Variants in GABRB2 observed in about 807,000 individuals in gnomAD.
GABRB2 encodes the protein gamma-aminobutyric acid type A receptor subunit beta2.
GABRB2 carries 16 observed loss-of-function variants against 54.7 expected under a neutral mutation model. The ratio of observed to expected loss-of-function variants is 0.29; its 90% CI spans 0.20 to 0.44. GABRB2 has a LOEUF of 0.44. Ranked by LOEUF, GABRB2 falls within the 20% of genes least tolerant of loss-of-function variation. The probability of loss-of-function intolerance (pLI) is 1.00; values close to 1 mark genes in which losing one functional copy is unlikely to be tolerated. For synonymous variants in GABRB2, 244 were observed against 233.8 expected (o/e 1.04, Z -0.40); for missense variants, 355 against 644.0 (o/e 0.55, Z 4.86).
intron 4 of GABRB2, among the ~76,000 whole-genome samples, chr5:161,443,015 C>G (rs187817696): frequency 1.3e-4 from 20 of 152,234 alleles, no homozygotes; most frequent in Admixed American, 1.3e-3. Flanking sequence ...TAAATGCTAT[C>G]TACAGAGGTA....
intron 5 of GABRB2, among the ~76,000 whole-genome samples, chr5:161,355,817 AG>A (rs1487895749): frequency 6.6e-6 from 1 of 152,000 alleles, no homozygotes; most frequent in Non-Finnish European, 1.5e-5. Flanking sequence ...CAATATGTAT[AG>A]GAGTGTTTGA....
At chr5:161,513,397 C>A (rs537004446) in intron 3 of GABRB2, among the ~76,000 whole-genome samples, 1 of 151,764 alleles carries the variant, frequency 6.6e-6, no homozygotes. Context: ...CCATCAACAG[C>A]GGATTCATAA....
intron 9 of GABRB2, among the ~76,000 whole-genome samples, chr5:161,299,487 C>T (rs1757474127): frequency 2.0e-5 from 3 of 152,088 alleles, no homozygotes; most frequent in African/African-American, 7.2e-5. Context: ...AGAGGAGATG[C>T]TAATTTGGAA....
At chr5:161,534,825 A>G (rs1445508225) in intron 3 of GABRB2, among the ~76,000 whole-genome samples, 1 of 152,186 alleles carries the variant, frequency 6.6e-6, no homozygotes, top group Non-Finnish European at 1.5e-5. Context: ...AAAATACTCA[A>G]CCACCTTTAA....
chr5:161,343,372 T>C (rs1292202179), intron 5 of GABRB2, among the ~76,000 whole-genome samples: 2 of 151,844 alleles, frequency 1.3e-5, no homozygotes, highest in Non-Finnish European at 2.9e-5. Context: ...ATGACCTATT[T>C]TTTTTTGTGC....
intron 3 of GABRB2, among the ~76,000 whole-genome samples, chr5:161,513,792 A>G (rs1759852759): frequency 6.6e-6 from 1 of 152,086 alleles, no homozygotes; most frequent in Non-Finnish European, 1.5e-5. Context: ...ATAAAAGTTG[A>G]AATTATTTTA....
chr5:161,343,851 A>C (rs1223581629), intron 5 of GABRB2, among the ~76,000 whole-genome samples: 1 of 152,104 alleles, frequency 6.6e-6, no homozygotes, highest in Non-Finnish European at 1.5e-5. Flanking sequence ...GTCCTAAAGT[A>C]ATGTTGACAA....
chr5:161,291,604 A>C lies in GABRB2; in HGVS notation c.*2477T>G, dbSNP rs1757239015. 2 of 152,626 alleles carry C rather than the reference A, an allele frequency of 1.3e-5. No homozygotes were observed. Among genetic ancestry groups the C allele is most frequent in the South Asian group, 4.1e-4 (2 of 4,832 alleles). 9.5% of individuals were successfully genotyped at this position (152,626 alleles called of 1,614,324 possible). ...CCTTGTTTCTTGTATCACTGAGAGC[A>C]GAAATGAATTCCTGGTTTTATGCTT... On this transcript the variant is annotated 3_prime_UTR_variant, in exon 10 of 10. Transcript: ENST00000393959.
At chr5:161,452,572 T>A (rs1048110850) in intron 4 of GABRB2, among the ~76,000 whole-genome samples, 10 of 152,230 alleles carry the variant, frequency 6.6e-5, no homozygotes, top group African/African-American at 2.2e-4. Flanking sequence ...GCTGAGTTCA[T>A]TGATAGAATT....
intron 3 of GABRB2, among the ~76,000 whole-genome samples, chr5:161,461,794 C>T (rs1758124415): frequency 6.6e-6 from 1 of 152,072 alleles, no homozygotes; most frequent in Non-Finnish European, 1.5e-5. Flanking sequence ...TAGAGCAGTG[C>T]CCAGGGCTCA....
Position 161,546,711 on chromosome 5 carries a change from C to A in GABRB2, c.-68G>T, listed in dbSNP as rs1760997001. ...GAGATCCAACTTAGTCTGCCCAGTG[C>A]AGTAATTCTAATGTGAGGCGCATGC... On this transcript the variant is annotated 5_prime_UTR_variant, in exon 1 of 10. Coordinates refer to ENST00000393959, the MANE Select transcript of GABRB2 (RefSeq NM_001371727.1). The A allele has an allele frequency of 1.3e-6, 2 of 1,549,450 alleles. No individual in the cohort carries two copies. The highest frequency in any genetic ancestry group is 8.7e-7 in the Non-Finnish European group (1 of 1,146,526).
At chr5:161,403,470 A>G (rs908127233) in intron 5 of GABRB2, among the ~76,000 whole-genome samples, 3 of 152,154 alleles carry the variant, frequency 2.0e-5, no homozygotes, top group African/African-American at 4.8e-5. Flanking sequence ...TTAAAAACCC[A>G]TATGAGAGAC....
At chr5:161,294,508 C>A (rs962939464) in intron 9 of GABRB2, 80 bp from the exon 10 acceptor site, 1 of 1,215,798 alleles carries the variant, frequency 8.2e-7, no homozygotes. Flanking sequence ...CTATGATCGG[C>A]ACTTAAGGGA....
chr5:161,310,532 G>A (rs1757830608), intron 9 of GABRB2, among the ~76,000 whole-genome samples: 1 of 151,982 alleles, frequency 6.6e-6, no homozygotes, highest in African/African-American at 2.4e-5. Flanking sequence ...TTTTTCATAG[G>A]CCAGATACAT....
intron 3 of GABRB2, among the ~76,000 whole-genome samples, chr5:161,470,545 ATGTGATAC>A (rs1262174034): frequency 6.6e-6 from 1 of 151,956 alleles, no homozygotes; most frequent in East Asian, 1.9e-4. Flanking sequence ...AACACAAGTA[ATGTGATAC>A]TGTGATAGCT....
intron 9 of GABRB2, among the ~76,000 whole-genome samples, chr5:161,311,509 G>T (rs1454389975): frequency 6.6e-6 from 1 of 152,218 alleles, no homozygotes; most frequent in East Asian, 1.9e-4. Flanking sequence ...GTACGTAAAA[G>T]TGAAAGAGTA....
chr5:161,495,082 T>C (rs1759192764), intron 3 of GABRB2, among the ~76,000 whole-genome samples: 1 of 152,164 alleles, frequency 6.6e-6, no homozygotes, highest in East Asian at 1.9e-4. Flanking sequence ...GATCACATGA[T>C]GCTTAGTCAC....
chr5:161,367,451 G>A (rs1242691699), intron 5 of GABRB2, among the ~76,000 whole-genome samples: 1 of 152,084 alleles, frequency 6.6e-6, no homozygotes. Flanking sequence ...AATAAAAATT[G>A]AAAAACAACC....
Position 161,356,718 on chromosome 5 carries a change from C to T in GABRB2, c.542-19949G>A, listed in dbSNP as rs571559871. 8.5e-5 allele frequency among the ~76,000 whole-genome samples: 13 copies of T among 152,198 alleles called. No homozygotes were observed. In the South Asian group the frequency reaches 1.2e-3, roughly 15 times the overall value. ...AATGAATCGCAGGTGCCATGGAAAA[C>T]GTGCACAGGGCTCCTGAGCAAACCA... On this transcript the variant is annotated intron_variant, in intron 5 of 9. Transcript: ENST00000393959.
Sources: allele counts gnomAD v4.1 joint callset (sites outside exome capture counted in the v4.1 genomes callset), GRCh38; gene constraint gnomAD v4.1.1; transcripts MANE v1.5; gene names NCBI Gene and HGNC (gene_info 2026-07-23, HGNC 2026-07-21).